The following GUCY1A2 variants were observed in gnomAD, a reference collection of about 807,000 sequenced individuals.
GUCY1A2 encodes the protein guanylate cyclase soluble subunit alpha-2.
In GUCY1A2, 27 loss-of-function variants were observed where a neutral mutation model predicts 63.5. The observed-to-expected ratio is 0.43, with a 90% CI of 0.31 to 0.59. GUCY1A2 has a LOEUF of 0.59. Ranked by LOEUF, GUCY1A2 falls within the 20% of genes least tolerant of loss-of-function variation. The pLI, the probability that GUCY1A2 is intolerant of heterozygous loss-of-function variation, is 0.11. For synonymous variants in GUCY1A2, 364 were observed against 343.5 expected (o/e 1.06, Z -0.66); for missense variants, 768 against 913.3 (o/e 0.84, Z 2.05).
At chr11:106,687,958 A>T (rs959488277) in intron 7 of GUCY1A2, among the ~76,000 whole-genome samples, 1 of 152,138 alleles carries the variant, frequency 6.6e-6, no homozygotes, top group African/African-American at 2.4e-5. Context: ...TGATAATAAT[A>T]AAAAAACCCC....
At chr11:106,886,355 C>T (rs1443537259) in intron 4 of GUCY1A2, among the ~76,000 whole-genome samples, 1 of 151,988 alleles carries the variant, frequency 6.6e-6, no homozygotes, top group Non-Finnish European at 1.5e-5. Context: ...CTATAAGAAG[C>T]AGAACAAAAT....
chr11:106,914,736 G>A (rs575871721), intron 4 of GUCY1A2, among the ~76,000 whole-genome samples: 2 of 151,912 alleles, frequency 1.3e-5, no homozygotes, highest in Non-Finnish European at 2.9e-5. Flanking sequence ...AATATGAGAA[G>A]AGTAAAAATG....
At chr11:106,769,161 C>A (rs1285504949) in intron 6 of GUCY1A2, among the ~76,000 whole-genome samples, 2 of 151,990 alleles carry the variant, frequency 1.3e-5, no homozygotes, top group Non-Finnish European at 2.9e-5. Flanking sequence ...ATTAGTCACA[C>A]AGGAAACAAG....
chr11:106,692,732 C>T (rs149069437), intron 7 of GUCY1A2, among the ~76,000 whole-genome samples: 21 of 152,238 alleles, frequency 1.4e-4, no homozygotes, highest in South Asian at 6.2e-4. Flanking sequence ...AGGCCTGAAC[C>T]GATACTTTCC....
At chr11:107,000,186 A>G (rs778952369) in intron 1 of GUCY1A2, among the ~76,000 whole-genome samples, 2 of 152,242 alleles carry the variant, frequency 1.3e-5, no homozygotes, top group Non-Finnish European at 2.9e-5. Context: ...TTTCTTTGAA[A>G]TGTGTTTACA....
intron 6 of GUCY1A2, among the ~76,000 whole-genome samples, chr11:106,759,241 C>T (rs1212735041): frequency 6.6e-6 from 1 of 151,326 alleles, no homozygotes; most frequent in Non-Finnish European, 1.5e-5. Context: ...AGATTTAAGG[C>T]CCAGTTGAGT....
intron 2 of GUCY1A2, among the ~76,000 whole-genome samples, chr11:106,980,527 C>A (rs1861321444): frequency 6.6e-6 from 1 of 152,196 alleles, no homozygotes; most frequent in African/African-American, 2.4e-5. Flanking sequence ...CCACATCATA[C>A]ACTCTGTCCT....
intron 7 of GUCY1A2, among the ~76,000 whole-genome samples, chr11:106,699,232 T>C (rs941004597): frequency 1.3e-5 from 2 of 152,136 alleles, no homozygotes; most frequent in African/African-American, 4.8e-5. Flanking sequence ...AAAATAAATA[T>C]TGACCTCCAG....
rs1862350180 is a variant in GUCY1A2, at chr11:106,676,572, T to C, written c.*10977A>G. ...ATTGATGACAAATGTTTCCAAACCC[T>C]CAATAAGAACTCAAAACATCATACT... On this transcript the variant is annotated 3_prime_UTR_variant, in exon 8 of 8. Transcript: ENST00000526355. 1.1e-5 allele frequency: 2 copies of C among 186,360 alleles called. No individual in the cohort carries two copies. Among genetic ancestry groups the C allele is most frequent in the Non-Finnish European group, 2.3e-5 (2 of 88,142 alleles). 11.5% of individuals were successfully genotyped at this position (186,360 alleles called of 1,614,324 possible).
chr11:106,946,128 C>T (rs1253360635), intron 3 of GUCY1A2, among the ~76,000 whole-genome samples: 6 of 152,022 alleles, frequency 3.9e-5, no homozygotes, highest in Admixed American at 6.6e-5. Flanking sequence ...GAAAAGTAAA[C>T]CTATTCTAAA....
At chr11:106,717,797 T>A (rs1863240843) in intron 6 of GUCY1A2, among the ~76,000 whole-genome samples, 1 of 152,216 alleles carries the variant, frequency 6.6e-6, no homozygotes, top group Non-Finnish European at 1.5e-5. Flanking sequence ...CATAAAGTTT[T>A]ATTAAATACT....
chr11:106,964,027 C>T (rs982646969), intron 3 of GUCY1A2, among the ~76,000 whole-genome samples: 1 of 151,822 alleles, frequency 6.6e-6, no homozygotes, highest in African/African-American at 2.4e-5. Flanking sequence ...TCCCCCTTCT[C>T]TTTTGCTACA....
intron 4 of GUCY1A2, among the ~76,000 whole-genome samples, chr11:106,928,035 A>G (rs1236262151): frequency 6.6e-6 from 1 of 152,164 alleles, no homozygotes; most frequent in Non-Finnish European, 1.5e-5. Flanking sequence ...GATGTTAAGA[A>G]TTTCTAACTC....
chr11:106,855,993 T>C (rs747145391), intron 4 of GUCY1A2, among the ~76,000 whole-genome samples: 7 of 151,690 alleles, frequency 4.6e-5, no homozygotes, highest in Non-Finnish European at 5.9e-5. Context: ...TGGTGTGACC[T>C]CAGCTTACTG....
At chr11:106,738,321 C>A (rs769654782) in intron 6 of GUCY1A2, among the ~76,000 whole-genome samples, 28 of 152,098 alleles carry the variant, frequency 1.8e-4, no homozygotes, top group Non-Finnish European at 1.5e-4. Flanking sequence ...ATTGCAAAAA[C>A]TTTCTCCCAT....
chr11:106,800,944 C>T (rs999218001), intron 5 of GUCY1A2, among the ~76,000 whole-genome samples: 1 of 152,014 alleles, frequency 6.6e-6, no homozygotes, highest in South Asian at 2.1e-4. Context: ...CCTACCTGCT[C>T]CACCAAAAGG....
At chr11:106,913,548 C>G (rs1860325122) in intron 4 of GUCY1A2, among the ~76,000 whole-genome samples, 1 of 152,118 alleles carries the variant, frequency 6.6e-6, no homozygotes, top group South Asian at 2.1e-4. Flanking sequence ...AAACACCTCC[C>G]ACTAAGCCCC....
intron 6 of GUCY1A2, among the ~76,000 whole-genome samples, chr11:106,720,566 T>C (rs569459999): frequency 3.3e-5 from 5 of 152,324 alleles, no homozygotes; most frequent in African/African-American, 1.2e-4. Flanking sequence ...ATAATGATAA[T>C]GTATGTTTAT....
rs549366633 is a variant in GUCY1A2 at position 106,932,416 on chromosome 11, T to C, written c.1206+7044A>G. ...TAAAAAAAATACCATACAGCAATTTTAACCTTATACTAATTTTTAAAAACC... is the reference window on the plus strand; with the variant it reads ...TAAAAAAAATACCATACAGCAATTTCAACCTTATACTAATTTTTAAAAACC... On this transcript the variant is annotated intron_variant, in intron 4 of 7. Transcript: ENST00000526355. 1.2e-4 allele frequency among the ~76,000 whole-genome samples: 18 copies of C among 152,282 alleles called. No homozygotes were observed. The South Asian group carries it at 2.3e-3, about 19-fold the overall frequency.
Sources: gnomAD v4.1 joint callset for allele counts (sites outside exome capture counted in the v4.1 genomes callset) on GRCh38, gnomAD v4.1.1 for gene constraint, MANE v1.5 for transcripts, NCBI Gene and HGNC (gene_info 2026-07-23, HGNC 2026-07-21) for gene names.